The following FNDC3B variants were observed in gnomAD, a reference collection of about 807,000 sequenced individuals.
FNDC3B encodes fibronectin type III domain-containing protein 3B.
FNDC3B carries 12 observed loss-of-function variants against 151.5 expected under a neutral mutation model. The observed-to-expected ratio is 0.08, with a 90% CI of 0.05 to 0.13. The LOEUF (loss-of-function observed/expected upper bound fraction) is 0.13, where lower values mean the gene tolerates loss of function less well. Ranked by LOEUF, FNDC3B falls within the 10% of genes least tolerant of loss-of-function variation. FNDC3B has a pLI of 1.00. For synonymous variants in FNDC3B, 528 were observed against 549.0 expected, an observed-to-expected ratio of 0.96 and a Z score of 0.54; for missense variants, 1,214 against 1,505.3, an observed-to-expected ratio of 0.81 and a Z score of 3.20.
At chr3:172,381,677 G>A (rs1481099983) in intron 25 of FNDC3B, among the ~76,000 whole-genome samples, 1 of 145,354 alleles carries the variant, frequency 6.9e-6, no homozygotes, top group African/African-American at 2.6e-5. Flanking sequence ...GTGCCCATAT[G>A]TTCTCATTGT....
At chr3:172,327,586 A>G (rs2108281700) in intron 11 of FNDC3B, among the ~76,000 whole-genome samples, 1 of 152,276 alleles carries the variant, frequency 6.6e-6, no homozygotes, top group South Asian at 2.1e-4. Flanking sequence ...TTGTATTTTT[A>G]GTACAGATGT....
intron 3 of FNDC3B, among the ~76,000 whole-genome samples, chr3:172,158,032 C>T: frequency 6.6e-6 from 1 of 152,144 alleles, no homozygotes; most frequent in East Asian, 1.9e-4. Flanking sequence ...TGTGTGGACA[C>T]ATGGAGGGGT....
intron 9 of FNDC3B, among the ~76,000 whole-genome samples, chr3:172,300,183 T>C (rs1244417541): frequency 6.6e-6 from 1 of 152,222 alleles, no homozygotes; most frequent in Non-Finnish European, 1.5e-5. Context: ...GCTAAGATGA[T>C]AATAGAAATG....
At chr3:172,382,091 T>C (rs1254042714) in intron 25 of FNDC3B, among the ~76,000 whole-genome samples, 1 of 152,224 alleles carries the variant, frequency 6.6e-6, no homozygotes, top group East Asian at 1.9e-4. Flanking sequence ...CCACCAACGG[T>C]GTAAAAGTGT....
chr3:172,300,861 T>C (rs1048845576), intron 9 of FNDC3B, among the ~76,000 whole-genome samples: 2 of 152,238 alleles, frequency 1.3e-5, no homozygotes, highest in Admixed American at 6.5e-5. Flanking sequence ...GATTTAGTCT[T>C]TGTGCACTGC....
intron 4 of FNDC3B, among the ~76,000 whole-genome samples, chr3:172,238,758 C>T (rs1727299522): frequency 6.6e-6 from 1 of 152,152 alleles, no homozygotes. Context: ...AAAGTGAGTA[C>T]CGATGCATTT....
chr3:172,219,840 A>T (rs1010907639), intron 3 of FNDC3B, among the ~76,000 whole-genome samples: 3 of 152,186 alleles, frequency 2.0e-5, no homozygotes, highest in Non-Finnish European at 4.4e-5. Flanking sequence ...TACACATTTT[A>T]TCCATCCTTC....
chr3:172,346,486 C>T (rs1161133140), intron 20 of FNDC3B, 46 bp downstream of exon 20: 3 of 1,141,186 alleles, frequency 2.6e-6, no homozygotes, highest in Non-Finnish European at 3.9e-6. Flanking sequence ...TTCTACTTTA[C>T]TCCCAAATAC....
chr3:172,278,343 T>C (rs1209772442), intron 6 of FNDC3B, among the ~76,000 whole-genome samples: 4 of 152,216 alleles, frequency 2.6e-5, no homozygotes, highest in South Asian at 2.1e-4. Context: ...GAACTTTAAT[T>C]ACCTTTGTAA....
intron 6 of FNDC3B, among the ~76,000 whole-genome samples, chr3:172,276,272 A>G (rs979482054): frequency 3.9e-5 from 6 of 152,200 alleles, no homozygotes; most frequent in Non-Finnish European, 8.8e-5. Flanking sequence ...CAGGTGTTCC[A>G]AACCAGAAGT....
intron 1 of FNDC3B, among the ~76,000 whole-genome samples, chr3:172,090,966 A>T (rs189567608): frequency 6.6e-6 from 1 of 152,234 alleles, no homozygotes. Flanking sequence ...TATTATGTAT[A>T]TGCAGATATT....
chr3:172,381,541 T>TACATGTGC (rs1735437418), intron 25 of FNDC3B, among the ~76,000 whole-genome samples: 1 of 152,106 alleles, frequency 6.6e-6, no homozygotes, highest in Admixed American at 6.5e-5. Flanking sequence ...TACATAGGTA[T>TACATGTGC]ACATGTGCCA....
chr3:172,384,753 G>T (rs1735621612), intron 25 of FNDC3B, among the ~76,000 whole-genome samples: 1 of 152,104 alleles, frequency 6.6e-6, no homozygotes, highest in Non-Finnish European at 1.5e-5. Context: ...CAGTAATTTA[G>T]ATTTTATTGG....
rs1212855864 is a variant in FNDC3B at position 172,378,381 on chromosome 3, C to T, written c.3120C>T (p.Pro1040=). 6.2e-7 allele frequency: 1 copy of T among 1,614,014 alleles called. No homozygotes were observed. Among genetic ancestry groups the T allele is most frequent in the Admixed American group, 1.7e-5 (1 of 60,002 alleles). The change falls in exon 24 of 26, where the codon CCC becomes CCT. Residue 1040 remains proline, a synonymous_variant. Coordinates refer to ENST00000415807, the MANE Select transcript of FNDC3B (RefSeq NM_022763.4). ...CAGCAAGCGAGGCTGGAGAAGGGCC[C>T]TTCTCAGAAACCTATACCTTCAGCA... ...IQAASEAGEG[P]FSETYTFSTT...
intron 3 of FNDC3B, among the ~76,000 whole-genome samples, chr3:172,156,861 G>C (rs1209392028): frequency 2.6e-5 from 4 of 152,074 alleles, no homozygotes; most frequent in Non-Finnish European, 4.4e-5. Flanking sequence ...CTTTTGAGGT[G>C]TGTTTCATCA....
At chr3:172,255,855 A>T (rs1728310228) in intron 6 of FNDC3B, among the ~76,000 whole-genome samples, 1 of 152,222 alleles carries the variant, frequency 6.6e-6, no homozygotes, top group Non-Finnish European at 1.5e-5. Context: ...ACTCTGGTGC[A>T]CAGCCTCTTG....
intron 3 of FNDC3B, among the ~76,000 whole-genome samples, chr3:172,224,754 A>G (rs551885517): frequency 3.3e-4 from 50 of 152,336 alleles, no homozygotes; most frequent in Non-Finnish European, 5.6e-4. Context: ...CCAGCTGAGC[A>G]ATTTTCATTG....
chr3:172,345,272 T>C (rs2108313564), intron 19 of FNDC3B, among the ~76,000 whole-genome samples: 1 of 152,302 alleles, frequency 6.6e-6, no homozygotes, highest in Middle Eastern at 3.4e-3. Flanking sequence ...CCTGAACTTA[T>C]AATCATGTAA....
At chr3:172,099,946 C>A (rs987007813) in intron 1 of FNDC3B, among the ~76,000 whole-genome samples, 1 of 152,074 alleles carries the variant, frequency 6.6e-6, no homozygotes, top group Non-Finnish European at 1.5e-5. Context: ...TCCTAAGACC[C>A]TCTTGGGGGT....
Sources: allele counts gnomAD v4.1 joint callset (sites outside exome capture counted in the v4.1 genomes callset), GRCh38; gene constraint gnomAD v4.1.1; transcripts MANE v1.5; gene names NCBI Gene and HGNC (gene_info 2026-07-23, HGNC 2026-07-21).